STPG2: variants seen among roughly 807,000 people sequenced by gnomAD.
The protein encoded by STPG2 is sperm tail PG-rich repeat containing 2.
Under a neutral mutation model 54.2 loss-of-function variants are expected in STPG2, and 56 were observed. That is an observed-to-expected ratio of 1.03 (90% CI 0.83 to 1.29). The LOEUF (loss-of-function observed/expected upper bound fraction) is 1.29, where lower values mean the gene tolerates loss of function less well. Among genes scored for constraint, STPG2 ranks in the 50% most tolerant of loss-of-function variants. The probability of loss-of-function intolerance (pLI) is 0.00; values close to 1 mark genes in which losing one functional copy is unlikely to be tolerated. For missense variants in STPG2, 596 were observed against 544.9 expected, an observed-to-expected ratio of 1.09 and a Z score of -0.93; for synonymous variants, 200 against 181.8, an observed-to-expected ratio of 1.10 and a Z score of -0.81.
chr4:97,709,667 T>C (rs1402989070), intron 10 of STPG2, among the ~76,000 whole-genome samples: 2 of 151,800 alleles, frequency 1.3e-5, no homozygotes, highest in East Asian at 3.8e-4. Context: ...AATTTAAATT[T>C]CAGAAAATCA....
intron 8 of STPG2, among the ~76,000 whole-genome samples, chr4:97,858,858 T>C (rs747791064): frequency 1.3e-5 from 2 of 152,166 alleles, no homozygotes; most frequent in African/African-American, 4.8e-5. Context: ...TGCTATAACA[T>C]GTGTGTGCAA....
At chr4:97,603,194 T>C (rs1733508601) in intron 10 of STPG2, among the ~76,000 whole-genome samples, 1 of 151,390 alleles carries the variant, frequency 6.6e-6, no homozygotes, top group Admixed American at 6.6e-5. Flanking sequence ...TATACAAATA[T>C]CCAACAAACA....
chr4:97,957,494 C>T (rs962054069), intron 7 of STPG2, among the ~76,000 whole-genome samples: 4 of 151,914 alleles, frequency 2.6e-5, no homozygotes, highest in Non-Finnish European at 5.9e-5. Flanking sequence ...GGAAAACATA[C>T]TTGGGGAAGT....
intron 9 of STPG2, among the ~76,000 whole-genome samples, chr4:97,721,321 G>T (rs557561580): frequency 2.0e-5 from 3 of 152,166 alleles, no homozygotes; most frequent in South Asian, 4.1e-4. Flanking sequence ...ATATCTACCA[G>T]AAAGCAGCTG....
intron 9 of STPG2, among the ~76,000 whole-genome samples, chr4:97,778,651 C>T (rs1726476693): frequency 6.6e-6 from 1 of 152,308 alleles, no homozygotes; most frequent in Admixed American, 6.5e-5. Flanking sequence ...GGGTCCCTGA[C>T]CCCCGAGTAG....
At chr4:97,974,791 G>A (rs1158091755) in intron 6 of STPG2, among the ~76,000 whole-genome samples, 4 of 151,892 alleles carry the variant, frequency 2.6e-5, no homozygotes, top group African/African-American at 7.2e-5. Context: ...TTTGTAAATT[G>A]CCCAGTCTCG....
intron 1 of STPG2, among the ~76,000 whole-genome samples, chr4:98,138,262 G>C (rs1271089763): frequency 6.6e-6 from 1 of 152,052 alleles, no homozygotes; most frequent in African/African-American, 2.4e-5. Flanking sequence ...TGGGGAATTA[G>C]AGATGGTAGA....
chr4:97,930,073 A>G (rs907263032), intron 8 of STPG2, among the ~76,000 whole-genome samples: 1 of 151,928 alleles, frequency 6.6e-6, no homozygotes, highest in Admixed American at 6.6e-5. Context: ...TAATTTTTGT[A>G]TTTTTAGTAG....
At chr4:97,443,744 A>G (rs1578302150) in intron 4 of STPG2, among the ~76,000 whole-genome samples, 1 of 152,178 alleles carries the variant, frequency 6.6e-6, no homozygotes, top group East Asian at 1.9e-4. Flanking sequence ...AAGGAAGAAA[A>G]TATGAGACAA....
At chr4:97,622,996 T>G (rs1215069551) in intron 10 of STPG2, among the ~76,000 whole-genome samples, 1 of 151,520 alleles carries the variant, frequency 6.6e-6, no homozygotes, top group Non-Finnish European at 1.5e-5. Context: ...TTCAACAAAG[T>G]TGACAAAAAC....
chr4:97,522,048 A>T lies in STPG2; in HGVS notation c.462+190651T>A, dbSNP rs182023728. Among the ~76,000 whole-genome samples, 4 of 150,152 alleles carry T rather than the reference A, an allele frequency of 2.7e-5. No individual in the cohort carries two copies. In the East Asian group the frequency reaches 7.8e-4, roughly 29 times the overall value. Reference sequence around the variant, plus strand: ...AAATATGCTTTAAAAATAAAGCCTGAATTTTGCTATTTCCTATAATCCAAA... The same window carrying T: ...AAATATGCTTTAAAAATAAAGCCTGTATTTTGCTATTTCCTATAATCCAAA... On this transcript the variant is annotated intron_variant, in intron 4 of 4. Transcript: ENST00000522676.
intron 10 of STPG2, among the ~76,000 whole-genome samples, chr4:97,617,592 A>G (rs975832742): frequency 1.3e-5 from 2 of 152,176 alleles, no homozygotes; most frequent in African/African-American, 2.4e-5. Context: ...TCCCAGAACC[A>G]AAATATTTTT....
intron 8 of STPG2, among the ~76,000 whole-genome samples, chr4:97,903,579 G>A (rs1731264423): frequency 6.6e-6 from 1 of 152,230 alleles, no homozygotes; most frequent in East Asian, 1.9e-4. Context: ...CATGTAGTAA[G>A]ACCGATTAAC....
chr4:97,830,327 G>C (rs1027930797), intron 9 of STPG2, among the ~76,000 whole-genome samples: 4 of 152,126 alleles, frequency 2.6e-5, no homozygotes, highest in Non-Finnish European at 5.9e-5. Context: ...CAAATGCGGA[G>C]AGATTTTGTT....
At chr4:98,089,375 ACATTATTT>A (rs1738617003) in intron 5 of STPG2, among the ~76,000 whole-genome samples, 1 of 151,898 alleles carries the variant, frequency 6.6e-6, no homozygotes. Flanking sequence ...GCTGTAAAAG[ACATTATTT>A]GTTCCTTTTT....
At chr4:97,685,718 AAT>A (rs983860382) in intron 10 of STPG2, among the ~76,000 whole-genome samples, 28 of 152,214 alleles carry the variant, frequency 1.8e-4, no homozygotes, top group African/African-American at 6.5e-4. Context: ...ATAATGTTTT[AAT>A]ATTGTTAATC....
chr4:97,894,050 G>A (rs1424655049), intron 8 of STPG2, among the ~76,000 whole-genome samples: 1 of 151,912 alleles, frequency 6.6e-6, no homozygotes, highest in African/African-American at 2.4e-5. Context: ...AGAGTATAAA[G>A]GTCTATGTGT....
intron 9 of STPG2, among the ~76,000 whole-genome samples, chr4:97,760,938 C>G (rs964429723): frequency 6.6e-6 from 1 of 152,192 alleles, no homozygotes; most frequent in African/African-American, 2.4e-5. Context: ...TCCTGGGCTA[C>G]TGGCCCCCAT....
At chr4:97,946,267 T>G (rs142598386) in intron 7 of STPG2, among the ~76,000 whole-genome samples, 2,524 of 152,294 alleles carry the variant, frequency 0.017, 69 homozygotes, top group African/African-American at 0.057. Flanking sequence ...GCTGGTTTGT[T>G]TGAGTTCCTT....
Sources: allele counts gnomAD v4.1 joint callset (sites outside exome capture counted in the v4.1 genomes callset), GRCh38; gene constraint gnomAD v4.1.1; transcripts MANE v1.5; gene names NCBI Gene and HGNC (gene_info 2026-07-23, HGNC 2026-07-21).